The following ZFHX3 variants were observed in gnomAD, a reference collection of about 807,000 sequenced individuals.
ZFHX3 encodes zinc finger homeobox 3.
ZFHX3 carries 42 observed loss-of-function variants against 279.1 expected under a neutral mutation model. The observed-to-expected ratio is 0.15, with a 90% CI of 0.12 to 0.19. The LOEUF is 0.19. Ranked by LOEUF, ZFHX3 falls within the 10% of genes least tolerant of loss-of-function variation. ZFHX3 has a pLI of 1.00. For missense variants in ZFHX3, 4,981 were observed against 4,754.0 expected, an observed-to-expected ratio of 1.05 and a Z score of -1.40; for synonymous variants, 2,293 against 1,957.8, an observed-to-expected ratio of 1.17 and a Z score of -4.52.
chr16:73,539,610 T>A lies in ZFHX3; in HGVS notation c.-1546-83352A>T, dbSNP rs864846. Among the ~76,000 whole-genome samples, 40 of 152,144 alleles carry A rather than the reference T, an allele frequency of 2.6e-4. No individual in the cohort carries two copies. In the East Asian group the frequency reaches 3.3e-3, roughly 13 times the overall value. On this transcript the variant is annotated intron_variant, in intron 2 of 17. Transcript: ENST00000641206. ...TCAAGATATCAAAAGAGGGAACTTTTATAGGTTTCCTCGATAACATGGACA... is the reference window on the plus strand; with the variant it reads ...TCAAGATATCAAAAGAGGGAACTTTAATAGGTTTCCTCGATAACATGGACA...
intron 2 of ZFHX3, among the ~76,000 whole-genome samples, chr16:73,603,272 G>C (rs1470754945): frequency 6.8e-6 from 1 of 146,794 alleles, no homozygotes; most frequent in Admixed American, 6.8e-5. Flanking sequence ...GCAACAGAGC[G>C]AGACTCCATC....
chr16:73,244,636 C>G (rs2013226378), intron 5 of ZFHX3, among the ~76,000 whole-genome samples: 1 of 152,210 alleles, frequency 6.6e-6, no homozygotes, highest in African/African-American at 2.4e-5. Flanking sequence ...CATGGCCATA[C>G]CAGCCCCATG....
chr16:73,457,379 C>A (rs534429282), intron 2 of ZFHX3, among the ~76,000 whole-genome samples: 11 of 152,180 alleles, frequency 7.2e-5, no homozygotes, highest in Admixed American at 3.3e-4. Flanking sequence ...GACTGCATCA[C>A]GTGAGCTGGA....
At chr16:73,085,324 C>T (rs1361574901) in intron 8 of ZFHX3, among the ~76,000 whole-genome samples, 1 of 152,154 alleles carries the variant, frequency 6.6e-6, no homozygotes, top group African/African-American at 2.4e-5. Flanking sequence ...TGTAATGGCA[C>T]AATCTTGGCT....
chr16:73,687,041 T>TATATAC (rs2053094715), intron 1 of ZFHX3, among the ~76,000 whole-genome samples: 1 of 117,652 alleles, frequency 8.5e-6, no homozygotes, highest in Non-Finnish European at 1.8e-5. Context: ...TATATATATA[T>TATATAC]ATATATATAT....
At chr16:73,569,239 C>G (rs1336022057) in intron 2 of ZFHX3, among the ~76,000 whole-genome samples, 3 of 152,136 alleles carry the variant, frequency 2.0e-5, no homozygotes, top group African/African-American at 7.2e-5. Context: ...CCTGTCGTTA[C>G]CAATGCAATT....
chr16:73,817,387 C>G (rs1960603475), intron 1 of ZFHX3, among the ~76,000 whole-genome samples: 1 of 152,282 alleles, frequency 6.6e-6, no homozygotes, highest in South Asian at 2.1e-4. Flanking sequence ...TCTGGCAGGT[C>G]AATATCCTGT....
At chr16:72,945,908 C>T (rs887130530) in intron 3 of ZFHX3, among the ~76,000 whole-genome samples, 8 of 152,094 alleles carry the variant, frequency 5.3e-5, no homozygotes, top group Middle Eastern at 3.2e-3. Context: ...TCCTAAGACC[C>T]CCACTTCCCC....
intron 1 of ZFHX3, among the ~76,000 whole-genome samples, chr16:73,022,560 G>A (rs1228474782): frequency 6.6e-6 from 1 of 152,174 alleles, no homozygotes; most frequent in African/African-American, 2.4e-5. Flanking sequence ...TCTCCCCAAA[G>A]TGTGACAACC....
At chr16:72,902,314 G>C (rs558899827) in intron 3 of ZFHX3, among the ~76,000 whole-genome samples, 1 of 152,128 alleles carries the variant, frequency 6.6e-6, no homozygotes, top group African/African-American at 2.4e-5. Flanking sequence ...ATAATGCATG[G>C]AGTAAGTAAG....
intron 2 of ZFHX3, among the ~76,000 whole-genome samples, chr16:73,544,703 A>C (rs1387376405): frequency 3.3e-5 from 5 of 152,142 alleles, no homozygotes; most frequent in Non-Finnish European, 5.9e-5. Flanking sequence ...TCGGCAATCC[A>C]GGGAGTGAGA....
chr16:72,973,247 G>A (rs1962186783), intron 1 of ZFHX3: 1 of 152,194 alleles, frequency 6.6e-6, no homozygotes, highest in African/African-American at 2.4e-5. Context: ...TGCCATCTTT[G>A]CAGAAAACAG....
At position 73,556,053 on chromosome 16, in the gene ZFHX3, T is replaced by A. The variant is rs2020277342; in HGVS notation, c.-1546-99795A>T. ...GTCAGTTTGTGTTTCTAAGCAGAGA[T>A]GAGGAAGCAGCCGGAGCATTTGTTT... On this transcript the variant is annotated intron_variant, in intron 2 of 17. Coordinates refer to the ZFHX3 transcript ENST00000641206. 2.0e-5 allele frequency among the ~76,000 whole-genome samples: 3 copies of A among 152,024 alleles called. No individual in the cohort carries two copies. The South Asian group carries it at 6.2e-4, about 31-fold the overall frequency.
At chr16:73,639,970 G>A (rs904376054) in intron 2 of ZFHX3, among the ~76,000 whole-genome samples, 1 of 152,266 alleles carries the variant, frequency 6.6e-6, no homozygotes, top group East Asian at 1.9e-4. Flanking sequence ...TCTGAAAGAG[G>A]CTAAAAATTG....
chr16:73,024,929 ACT>A (rs971510504), intron 1 of ZFHX3, among the ~76,000 whole-genome samples: 7 of 151,482 alleles, frequency 4.6e-5, no homozygotes, highest in Non-Finnish European at 1.0e-4. Context: ...GAAGCTCTCT[ACT>A]CCCCAACACA....
At chr16:73,682,954 G>C (rs1011011524) in intron 1 of ZFHX3, among the ~76,000 whole-genome samples, 10 of 17,310 alleles carry the variant, frequency 5.8e-4, no homozygotes, top group Admixed American at 1.7e-3. Context: ...AAGAAAGAAA[G>C]AAAGAAAGAA....
intron 2 of ZFHX3, among the ~76,000 whole-genome samples, chr16:73,524,177 G>C (rs1463850828): frequency 6.6e-6 from 1 of 152,124 alleles, no homozygotes; most frequent in Non-Finnish European, 1.5e-5. Flanking sequence ...ATCTCTCTGT[G>C]CACCTACCAT....
At chr16:73,388,938 C>A (rs955245228) in intron 3 of ZFHX3, 1 of 152,264 alleles carries the variant, frequency 6.6e-6, no homozygotes, top group South Asian at 2.1e-4. Context: ...AAAGCTGGCC[C>A]GCACAGACTA....
intron 8 of ZFHX3, among the ~76,000 whole-genome samples, chr16:73,081,926 T>A (rs1965951251): frequency 6.7e-6 from 1 of 149,084 alleles, no homozygotes; most frequent in African/African-American, 2.5e-5. Context: ...AACCTCTGCC[T>A]CCCAGGTTCA....
Sources: gnomAD v4.1 joint callset for allele counts (sites outside exome capture counted in the v4.1 genomes callset) on GRCh38, gnomAD v4.1.1 for gene constraint, MANE v1.5 for transcripts, NCBI Gene and HGNC (gene_info 2026-07-23, HGNC 2026-07-21) for gene names.